SLC38A8: variants seen among roughly 807,000 people sequenced by gnomAD.
SLC38A8 encodes amino acid transporter SLC38A8.
A neutral mutation model predicts 46.0 loss-of-function variants in SLC38A8; 65 were observed. That is an observed-to-expected ratio of 1.41 (90% CI 1.16 to 1.74). SLC38A8 has a LOEUF of 1.74. Ranked by LOEUF, SLC38A8 falls within the 40% of genes most tolerant of loss-of-function variation. The pLI is 0.00. For missense variants in SLC38A8, 998 were observed against 567.9 expected, an observed-to-expected ratio of 1.76 and a Z score of -7.70; for synonymous variants, 447 against 243.7, an observed-to-expected ratio of 1.83 and a Z score of -7.77.
chr16:84,025,599 G>A (rs9940366), intron 6 of SLC38A8, among the ~76,000 whole-genome samples: 3 of 152,050 alleles, frequency 2.0e-5, no homozygotes, highest in African/African-American at 7.2e-5. Context: ...ACACTACAGG[G>A]CTTACCCACC....
At position 84,026,814 on chromosome 16, in the gene SLC38A8, T is replaced by A. The variant is rs531095655; in HGVS notation, c.690+2680A>T. On this transcript the variant is annotated intron_variant, in intron 6 of 10. Coordinates refer to ENST00000299709, the MANE Select transcript of SLC38A8 (RefSeq NM_001080442.3). ...CTTAAAAGGCCACAATAGGATTCCATTCCTAGGAGGTGGCCATCGTAGGCA... is the reference window on the plus strand; with the variant it reads ...CTTAAAAGGCCACAATAGGATTCCAATCCTAGGAGGTGGCCATCGTAGGCA... 3.7e-4 allele frequency among the ~76,000 whole-genome samples: 57 copies of A among 152,154 alleles called. 1 individual carries two copies. Among genetic ancestry groups the A allele is most frequent in the African/African-American group, 1.3e-3 (55 of 41,442 alleles).
intron 7 of SLC38A8, among the ~76,000 whole-genome samples, chr16:84,019,422 G>T (rs12447776): frequency 0.045 from 6,793 of 152,182 alleles, 186 homozygotes; most frequent in East Asian, 0.095. Flanking sequence ...TGGCATACTG[G>T]CAGATGGTGC....
At chr16:84,034,189 A>G (rs2085277113) in intron 3 of SLC38A8, among the ~76,000 whole-genome samples, 1 of 152,306 alleles carries the variant, frequency 6.6e-6, no homozygotes, top group Non-Finnish European at 1.5e-5. Flanking sequence ...CTTCCATGGC[A>G]GCTGGGGGAC....
chr16:84,012,194 A>G (rs2084962666), intron 10 of SLC38A8, among the ~76,000 whole-genome samples: 1 of 152,208 alleles, frequency 6.6e-6, no homozygotes, highest in African/African-American at 2.4e-5. Flanking sequence ...CCTCAGCCTC[A>G]GTTTCCCCAT....
At chr16:84,032,305 C>T (rs1389341930) in intron 4 of SLC38A8, among the ~76,000 whole-genome samples, 3 of 152,208 alleles carry the variant, frequency 2.0e-5, no homozygotes, top group African/African-American at 4.8e-5. Flanking sequence ...TCTCCTGCCT[C>T]AGCCTCCCGA....
chr16:84,009,914 GA>G (rs775261919), intron 10 of SLC38A8, 37 bp from the exon 11 acceptor site: 1 of 1,589,440 alleles, frequency 6.3e-7, no homozygotes, highest in Admixed American at 1.7e-5. Flanking sequence ...AGCTTTTCTG[GA>G]TTTTTGCACA....
rs769853970 is a variant in SLC38A8 at position 84,022,839 on chromosome 16, G to C, written c.741C>G (p.Leu247=). ...SIYCSMRKRS[L]SHWALVSVLS... ...GCACAGACACCAGGGCCCAGTGGGA[G>C]AGGCTCCGTTTGCGCATGCTGCAGT... The change falls in exon 7 of 11, where the codon CTC becomes CTG. Residue 247 remains leucine (L), a synonymous_variant. Coordinates refer to ENST00000299709, the MANE Select transcript of SLC38A8 (RefSeq NM_001080442.3). 4.3e-6 allele frequency: 7 copies of C among 1,612,564 alleles called. No individual in the cohort carries two copies. Among genetic ancestry groups the C allele is most frequent in the Non-Finnish European group, 5.1e-6 (6 of 1,179,492 alleles).
chr16:84,011,344 G>A (rs539891604), intron 10 of SLC38A8, among the ~76,000 whole-genome samples: 1 of 152,222 alleles, frequency 6.6e-6, no homozygotes, highest in Non-Finnish European at 1.5e-5. Flanking sequence ...GGAATGAGCG[G>A]CTTAGGGGGT....
chr16:84,033,120 C>T (rs1398273731), intron 4 of SLC38A8, among the ~76,000 whole-genome samples: 1 of 152,224 alleles, frequency 6.6e-6, no homozygotes, highest in Non-Finnish European at 1.5e-5. Context: ...CTGAGTAGCA[C>T]TGACGTTGTT....
At chr16:84,042,376 C>T (rs2085377910) in intron 1 of SLC38A8, among the ~76,000 whole-genome samples, 175 bp downstream of exon 1, 1 of 152,058 alleles carries the variant, frequency 6.6e-6, no homozygotes, top group African/African-American at 2.4e-5. Flanking sequence ...ACATTATTCT[C>T]ACTCCTGCCC....
Position 84,041,990 on chromosome 16 carries a change from G to C in SLC38A8, c.168C>G (p.Val56=), listed in dbSNP as rs747357201. 4.4e-6 allele frequency: 7 copies of C among 1,604,940 alleles called. No homozygotes were observed. The highest frequency in any genetic ancestry group is 6.0e-6 in the Non-Finnish European group (7 of 1,174,970). The change falls in exon 2 of 11, where the codon GTC becomes GTG. Residue 56 remains valine, a synonymous_variant. Transcript: ENST00000299709. ...TTACCAGCTCCACCAGGAAGGCAGG[G>C]ACCACTCCGCCCGCTTTGGAGAAGG... is the stretch of plus-strand genomic sequence containing the variant. The part of the protein sequence containing the change: ...PWAFSKAGGV[V]PAFLVELVSL...
At chr16:84,015,272 C>A (rs2085011576) in intron 9 of SLC38A8, among the ~76,000 whole-genome samples, 1 of 152,118 alleles carries the variant, frequency 6.6e-6, no homozygotes, top group African/African-American at 2.4e-5. Flanking sequence ...ACAGTGTACC[C>A]TTTTCCACTG....
chr16:84,024,323 A>G (rs972379914), intron 6 of SLC38A8, among the ~76,000 whole-genome samples: 2 of 152,166 alleles, frequency 1.3e-5, no homozygotes, highest in Admixed American at 6.5e-5. Flanking sequence ...CATACTGTAT[A>G]TGTGACATGC....
At position 84,017,174 on chromosome 16, in the gene SLC38A8, C is replaced by T. The variant is rs200651717; in HGVS notation, c.919G>A (p.Val307Ile). 4.6e-5 allele frequency: 75 copies of T among 1,613,962 alleles called. No homozygotes were observed. Among genetic ancestry groups the T allele is most frequent in the South Asian group, 9.9e-5 (9 of 91,078 alleles). The stretch of plus-strand genomic sequence containing the variant: ...AAGAGCACGATGGGGTAGACAGTTA[C>T]GATGGAGACAGCAAAAAGGACCCGG... ...VARVLFAVSI[V>I]TVYPIVLFLG... The change falls in exon 8 of 11, where the codon GTA (valine) becomes ATA (isoleucine). Residue 307 changes from valine (V) to isoleucine (I), a missense_variant. By Grantham distance (29) the Val-to-Ile change is conservative. Transcript: ENST00000299709.
At chr16:84,036,952 C>A in intron 2 of SLC38A8, 52 bp from the exon 3 acceptor site, 1 of 1,517,644 alleles carries the variant, frequency 6.6e-7, no homozygotes, top group Non-Finnish European at 8.9e-7. Flanking sequence ...AGCCCACCCA[C>A]CCCCAGCCAG....
intron 7 of SLC38A8, among the ~76,000 whole-genome samples, chr16:84,017,944 G>A (rs756202083): frequency 6.6e-6 from 1 of 152,136 alleles, no homozygotes; most frequent in Non-Finnish European, 1.5e-5. Flanking sequence ...CTGACCCAGG[G>A]GCTACAGACT....
At chr16:84,038,707 C>T (rs2085330918) in intron 2 of SLC38A8, among the ~76,000 whole-genome samples, 1 of 152,206 alleles carries the variant, frequency 6.6e-6, no homozygotes, top group Non-Finnish European at 1.5e-5. Context: ...CGGACGGTGC[C>T]ACGAGTCCCA....
chr16:84,031,075 C>A (rs1351010202), intron 5 of SLC38A8, among the ~76,000 whole-genome samples: 1 of 152,144 alleles, frequency 6.6e-6, no homozygotes, highest in African/African-American at 2.4e-5. Flanking sequence ...GAGTCTTGCT[C>A]TGTTGCCCAG....
At chr16:84,039,052 G>A (rs897947042) in intron 2 of SLC38A8, among the ~76,000 whole-genome samples, 19 of 152,156 alleles carry the variant, frequency 1.2e-4, no homozygotes, top group Non-Finnish European at 2.2e-4. Flanking sequence ...TCTTGGATCT[G>A]GTGGGCCCTC....
Sources: allele counts gnomAD v4.1 joint callset (sites outside exome capture counted in the v4.1 genomes callset), GRCh38; gene constraint gnomAD v4.1.1; transcripts MANE v1.5; gene names NCBI Gene and HGNC (gene_info 2026-07-23, HGNC 2026-07-21).